Variants in RP1 observed in about 807,000 individuals in gnomAD.
RP1 encodes RP1 axonemal microtubule associated, also known as oxygen-regulated protein 1.
RP1 carries 16 observed loss-of-function variants against 14.8 expected under a neutral mutation model. The ratio of observed to expected loss-of-function variants is 1.08; its 90% CI spans 0.73 to 1.65. The LOEUF (loss-of-function observed/expected upper bound fraction) is 1.65, where lower values mean the gene tolerates loss of function less well. Among genes scored for constraint, RP1 ranks in the 40% most tolerant of loss-of-function variants. The pLI is 0.00. For synonymous variants in RP1, 876 were observed against 883.6 expected, an observed-to-expected ratio of 0.99 and a Z score of 0.15; for missense variants, 2,631 against 2,535.0, an observed-to-expected ratio of 1.04 and a Z score of -0.81.
chr8:54,652,583 G>A (rs887623864), intron 4 of RP1, among the ~76,000 whole-genome samples: 1 of 151,936 alleles, frequency 6.6e-6, no homozygotes. Context: ...ATCATAGAGT[G>A]TCTGTTTCTC....
intron 27 of RP1, among the ~76,000 whole-genome samples, chr8:54,865,274 T>C (rs1278644032): frequency 1.3e-5 from 2 of 152,082 alleles, no homozygotes; most frequent in East Asian, 3.8e-4. Flanking sequence ...ATATCTTCTG[T>C]GAATAATGAC....
At position 54,629,242 on chromosome 8, in the gene RP1, A is replaced by G. The variant is rs1258247614; in HGVS notation, c.5360A>G (p.His1787Arg). ...AACAGCAGTGAGGTACCATATTCAC[A>G]TTTTGGTAATTTGGCCCCAGGCCCA... The part of the protein sequence containing the change: ...DNNSSEVPYS[H>R]FGNLAPGPTM... The change falls in exon 4 of 4, where the codon CAT (histidine) becomes CGT (arginine). Residue 1787 changes from histidine to arginine, a missense_variant. By Grantham distance (29) the His-to-Arg change is conservative. Transcript: ENST00000220676. The G allele has an allele frequency of 5.0e-6, 8 of 1,613,902 alleles. No individual in the cohort carries two copies. The highest frequency in any genetic ancestry group is 1.6e-4 in the Middle Eastern group (1 of 6,084).
chr8:54,851,213 C>T (rs4737736), intron 25 of RP1, among the ~76,000 whole-genome samples: 53,445 of 151,956 alleles, frequency 0.35, 9,518 homozygotes, highest in Non-Finnish European at 0.38. Flanking sequence ...TCATTAGGGC[C>T]GTGTGATGGT....
intron 8 of RP1, among the ~76,000 whole-genome samples, chr8:54,675,492 T>G (rs1333876971): frequency 6.6e-6 from 1 of 152,176 alleles, no homozygotes; most frequent in Non-Finnish European, 1.5e-5. Context: ...TGTTTGTACT[T>G]TGTAGATAGG....
chr8:54,798,112 C>A (rs1810618254), intron 24 of RP1, among the ~76,000 whole-genome samples: 1 of 152,028 alleles, frequency 6.6e-6, no homozygotes, highest in African/African-American at 2.4e-5. Flanking sequence ...CTCCTGGGCT[C>A]AAGTGATTCT....
chr8:54,625,057 C>A lies in RP1; in HGVS notation c.1175C>A (p.Ser392Ter). 1 of 1,614,140 alleles carries A rather than the reference C, an allele frequency of 6.2e-7. No homozygotes were observed. The highest frequency in any genetic ancestry group is 8.5e-7 in the Non-Finnish European group (1 of 1,180,038). Residue 392 changes from serine (S) to a stop codon, truncating the protein, a stop_gained, in exon 4 of 4, where the codon TCA becomes TAA. Transcript: ENST00000220676. LOFTEE classifies it low-confidence loss of function (END_TRUNC). ...GCATGTTCATTCTCTGCAGATGTGT[C>A]ACCTATGGAGCGAAGCAGTAATCAA... Reference protein sequence around the residue: ...LAACSFSADVSPMERSSNQEG... With the variant: ...LAACSFSADV
At chr8:54,619,829 G>A (rs1005927504) in intron 1 of RP1, among the ~76,000 whole-genome samples, 3 of 152,224 alleles carry the variant, frequency 2.0e-5, no homozygotes, top group African/African-American at 7.2e-5. Flanking sequence ...ACATCTGACA[G>A]TATCTTAAGA....
chr8:54,677,146 G>T (rs1009256520), intron 8 of RP1, among the ~76,000 whole-genome samples: 1 of 151,446 alleles, frequency 6.6e-6, no homozygotes. Flanking sequence ...ACCTATGTCT[G>T]TCCTGGTTTT....
intron 7 of RP1, among the ~76,000 whole-genome samples, chr8:54,671,028 C>A (rs1326374922): frequency 6.6e-6 from 1 of 151,776 alleles, no homozygotes; most frequent in African/African-American, 2.4e-5. Context: ...TATTGTAGGT[C>A]TAGTGGTAAT....
intron 24 of RP1, among the ~76,000 whole-genome samples, chr8:54,824,121 G>A (rs1167295039): frequency 7.2e-6 from 1 of 137,962 alleles, no homozygotes; most frequent in African/African-American, 2.6e-5. Context: ...TTTCTAATTG[G>A]ATTGTTTGTG....
rs76638224 is a variant in RP1 at position 54,593,482 on chromosome 8, C to T, written c.-12-27473C>T. Among the ~76,000 whole-genome samples the T allele has an allele frequency of 1.8e-3, 274 of 152,316 alleles. 1 individual carries two copies. Among genetic ancestry groups the T allele is most frequent in the Non-Finnish European group, 3.2e-3 (215 of 68,020 alleles). ...GTTGTAGTAAATCCCAGTCTCTCAGCTTGGGATCTGACTCCTTGCATAAGC... is the reference window on the plus strand; with the variant it reads ...GTTGTAGTAAATCCCAGTCTCTCAGTTTGGGATCTGACTCCTTGCATAAGC... On this transcript the variant is annotated intron_variant, in intron 1 of 22. Transcript: ENST00000636932.
chr8:54,652,741 T>G, intron 4 of RP1: 5 of 1,425,326 alleles, frequency 3.5e-6, no homozygotes, highest in Non-Finnish European at 4.8e-6. Context: ...GTGAATTTTG[T>G]GAAATTACAT....
intron 1 of RP1, among the ~76,000 whole-genome samples, chr8:54,579,558 G>A (rs1002128242): frequency 6.6e-5 from 10 of 152,130 alleles, no homozygotes; most frequent in African/African-American, 9.7e-5. Flanking sequence ...TACATCCTGT[G>A]TCAGGGAGAA....
At chr8:54,804,680 A>G (rs1213137560) in intron 24 of RP1, among the ~76,000 whole-genome samples, 2 of 152,262 alleles carry the variant, frequency 1.3e-5, no homozygotes, top group Non-Finnish European at 2.9e-5. Context: ...TCGTAATGTT[A>G]AAAGCTACAT....
At chr8:54,743,492 C>G (rs988140875) in intron 19 of RP1, among the ~76,000 whole-genome samples, 2 of 152,098 alleles carry the variant, frequency 1.3e-5, no homozygotes, top group Admixed American at 1.3e-4. Context: ...TTCCTTCTCT[C>G]CATTTCAAAA....
At chr8:54,786,431 T>C (rs998843139) in intron 24 of RP1, among the ~76,000 whole-genome samples, 15 of 152,112 alleles carry the variant, frequency 9.9e-5, no homozygotes, top group African/African-American at 3.1e-4. Context: ...TTTTACTGTG[T>C]TGTGTTTAGG....
chr8:54,630,045 A>G lies in RP1; in HGVS notation c.6163A>G (p.Ser2055Gly). Reference protein sequence around the residue: ...GNVDSNTQDLSGQTNEIFKAV... With the variant: ...GNVDSNTQDLGGQTNEIFKAV... ...TGTGGATTCAAATACACAAGACCTC[A>G]GCGGTCAGACAAATGAAATCTTTAA... Residue 2055 changes from serine to glycine, a missense_variant, in exon 4 of 4, where the codon AGC becomes GGC. By Grantham distance (56) the Ser-to-Gly change is moderately conservative. Coordinates refer to ENST00000220676, the MANE Select transcript of RP1 (RefSeq NM_006269.2). 1.2e-6 allele frequency: 2 copies of G among 1,614,028 alleles called. No individual in the cohort carries two copies. Among genetic ancestry groups the G allele is most frequent in the South Asian group, 2.2e-5 (2 of 91,076 alleles).
intron 24 of RP1, among the ~76,000 whole-genome samples, chr8:54,831,471 T>G (rs1228682444): frequency 2.0e-5 from 3 of 148,148 alleles, no homozygotes; most frequent in Admixed American, 1.3e-4. Flanking sequence ...CTGTTTTTTG[T>G]TTTTGGTGGT....
chr8:54,594,020 C>T (rs1234470352), intron 1 of RP1, among the ~76,000 whole-genome samples: 4 of 151,782 alleles, frequency 2.6e-5, no homozygotes, highest in African/African-American at 9.7e-5. Flanking sequence ...TCTGAGAGAA[C>T]TTGGGACCAG....
Sources: allele counts gnomAD v4.1 joint callset (sites outside exome capture counted in the v4.1 genomes callset), GRCh38; gene constraint gnomAD v4.1.1; transcripts MANE v1.5; gene names NCBI Gene and HGNC (gene_info 2026-07-23, HGNC 2026-07-21).